The following CHST8 variants were observed in gnomAD, a reference collection of about 807,000 sequenced individuals.
The protein encoded by CHST8 is carbohydrate sulfotransferase 8.
In CHST8, 10 loss-of-function variants were observed where a neutral mutation model predicts 15.0. The observed-to-expected ratio is 0.67, with a 90% confidence interval of 0.41 to 1.13. CHST8 has a LOEUF of 1.13. Ranked by LOEUF, CHST8 falls within the 50% of genes most tolerant of loss-of-function variation. The probability of loss-of-function intolerance (pLI) is 0.00; values close to 1 mark genes in which losing one functional copy is unlikely to be tolerated. For missense variants in CHST8, 634 were observed against 608.2 expected, an observed-to-expected ratio of 1.04 and a Z score of -0.45; for synonymous variants, 259 against 256.6, an observed-to-expected ratio of 1.01 and a Z score of -0.09.
intron 2 of CHST8, among the ~76,000 whole-genome samples, chr19:33,683,436 C>A (rs1464088411): frequency 6.6e-6 from 1 of 152,122 alleles, no homozygotes; most frequent in Non-Finnish European, 1.5e-5. Flanking sequence ...GGCGAGCGGG[C>A]CTCGGGTATT....
intron 1 of CHST8, among the ~76,000 whole-genome samples, chr19:33,650,032 A>G (rs923748012): frequency 8.5e-5 from 13 of 152,148 alleles, no homozygotes; most frequent in Non-Finnish European, 1.3e-4. Context: ...GGCCTTAGGT[A>G]ATGTTTATAA....
chr19:33,633,966 TTTTTG>T (rs899643273), intron 1 of CHST8, among the ~76,000 whole-genome samples: 3 of 152,092 alleles, frequency 2.0e-5, no homozygotes, highest in African/African-American at 7.2e-5. Flanking sequence ...CACTCCCAGC[TTTTTG>T]TTTTGTTTTG....
At chr19:33,641,403 C>G (rs1972281898) in intron 1 of CHST8, among the ~76,000 whole-genome samples, 1 of 152,164 alleles carries the variant, frequency 6.6e-6, no homozygotes, top group South Asian at 2.1e-4. Flanking sequence ...GCCTAGATCT[C>G]CGCCCCACCA....
At position 33,730,088 on chromosome 19, in the gene CHST8, G is replaced by A. The variant is rs147454900; in HGVS notation, c.130+40697G>A. On this transcript the variant is annotated intron_variant, in intron 3 of 4. Transcript: ENST00000650847. ...AATCCTACCTATAGGAGCACTGGGG[G>A]TGTGCATCGTCAAGACTTAGTGCCA... Among the ~76,000 whole-genome samples, 370 of 152,314 alleles carry A rather than the reference G, an allele frequency of 2.4e-3. 1 individual carries two copies. The highest frequency in any genetic ancestry group is 0.01 in the Middle Eastern group (3 of 294).
At chr19:33,719,237 G>C (rs1029836287) in intron 3 of CHST8, among the ~76,000 whole-genome samples, 18 of 147,756 alleles carry the variant, frequency 1.2e-4, no homozygotes, top group African/African-American at 4.5e-4. Context: ...AATACCTTCT[G>C]TCAGCCGGGG....
chr19:33,771,311 T>A (rs1485238614), intron 3 of CHST8, 102 bp from the exon 4 acceptor site: 1 of 1,152,608 alleles, frequency 8.7e-7, no homozygotes, highest in East Asian at 2.3e-5. Context: ...TACCCCAAGA[T>A]CCCTCCAGCC....
At position 33,636,452 on chromosome 19, in the gene CHST8, G is replaced by A. The variant is rs528701239; in HGVS notation, c.-164+14156G>A. Among the ~76,000 whole-genome samples the A allele has an allele frequency of 2.0e-3, 302 of 152,290 alleles. 1 individual carries two copies. The highest frequency in any genetic ancestry group is 7.1e-3 in the African/African-American group (293 of 41,552). ...GTCTCACCACTACGGGTCCTGGTAT[G>A]TGCGTGAGTGCCTGAGTCTTTGTCT... On this transcript the variant is annotated intron_variant, in intron 1 of 4. Transcript: ENST00000650847.
chr19:33,657,963 C>T (rs937891489), intron 1 of CHST8, among the ~76,000 whole-genome samples: 7 of 152,226 alleles, frequency 4.6e-5, no homozygotes, highest in Non-Finnish European at 8.8e-5. Flanking sequence ...CATACCAGAA[C>T]TGTACACTGA....
rs116055267 is a variant in CHST8, at chr19:33,689,130, G to A, written c.-86-46G>A. 3,409 of 1,112,244 alleles carry A rather than the reference G, an allele frequency of 3.1e-3. 57 individuals are homozygous for A. In the African/African-American group the frequency reaches 0.043, roughly 14 times the overall value. The allele number at this position is 1,112,244 out of a possible 1,614,324, so 68.9% of individuals were successfully genotyped here. On this transcript the variant is annotated intron_variant, in intron 2 of 4. Transcript: ENST00000650847. ...CAGTGAGCAGGGCCTACACCTGCCC[G>A]GGTGCCTCGCGCCTCGGTGATGACT...
intron 3 of CHST8, among the ~76,000 whole-genome samples, chr19:33,701,672 G>A (rs1248751743): frequency 9.9e-5 from 15 of 152,096 alleles, no homozygotes; most frequent in African/African-American, 2.4e-4. Flanking sequence ...GAGCTCCAAC[G>A]CACGTGTATG....
intron 1 of CHST8, among the ~76,000 whole-genome samples, chr19:33,660,344 C>T (rs1355684489): frequency 6.6e-6 from 1 of 152,162 alleles, no homozygotes. Context: ...GTTGTCCATT[C>T]CTGCGCCGCT....
At chr19:33,668,518 A>G (rs1352508207) in intron 2 of CHST8, among the ~76,000 whole-genome samples, 1 of 152,170 alleles carries the variant, frequency 6.6e-6, no homozygotes, top group Non-Finnish European at 1.5e-5. Context: ...CACCTACCCC[A>G]GAAGTGGTCA....
intron 3 of CHST8, among the ~76,000 whole-genome samples, chr19:33,748,087 AG>A (rs1435032790): frequency 2.0e-5 from 3 of 152,200 alleles, no homozygotes; most frequent in African/African-American, 7.2e-5. Flanking sequence ...CCTCCTGCCA[AG>A]GACCCAGGGG....
intron 3 of CHST8, among the ~76,000 whole-genome samples, chr19:33,756,721 T>A (rs578021503): frequency 1.3e-5 from 2 of 152,292 alleles, no homozygotes; most frequent in African/African-American, 4.8e-5. Flanking sequence ...CTCACCTCCA[T>A]CATAAGGTAA....
intron 3 of CHST8, among the ~76,000 whole-genome samples, chr19:33,737,961 TA>T (rs1188358307): frequency 4.6e-5 from 7 of 151,992 alleles, no homozygotes; most frequent in African/African-American, 1.7e-4. Flanking sequence ...TTCATTATAA[TA>T]AGACCAAAAG....
chr19:33,763,149 C>A (rs532739829), intron 3 of CHST8, among the ~76,000 whole-genome samples: 3 of 152,318 alleles, frequency 2.0e-5, no homozygotes, highest in Non-Finnish European at 4.4e-5. Context: ...TAAGCCACCA[C>A]GCCTGGCCTG....
intron 1 of CHST8, among the ~76,000 whole-genome samples, chr19:33,626,693 G>A (rs911041185): frequency 6.6e-5 from 10 of 152,092 alleles, no homozygotes; most frequent in Admixed American, 1.3e-4. Context: ...TAAGTGGAAG[G>A]GCACGAGGCC....
chr19:33,757,284 G>T (rs937025711), intron 3 of CHST8, among the ~76,000 whole-genome samples: 1 of 151,176 alleles, frequency 6.6e-6, no homozygotes, highest in African/African-American at 2.4e-5. Flanking sequence ...TGGAGGCTGA[G>T]GCATGAGAAT....
chr19:33,624,076 AT>A (rs577373682), intron 1 of CHST8, among the ~76,000 whole-genome samples: 23 of 152,318 alleles, frequency 1.5e-4, no homozygotes, highest in Non-Finnish European at 2.9e-4. Flanking sequence ...AGTGCAGCTC[AT>A]TTATTTACTT....
Sources: allele counts gnomAD v4.1 joint callset (sites outside exome capture counted in the v4.1 genomes callset), GRCh38; gene constraint gnomAD v4.1.1; transcripts MANE v1.5; gene names NCBI Gene and HGNC (gene_info 2026-07-23, HGNC 2026-07-21).